Variants in ADGRG5 observed in about 807,000 individuals in gnomAD.
The protein encoded by ADGRG5 is G protein-coupled receptor 114.
A neutral mutation model predicts 53.2 loss-of-function variants in ADGRG5; 37 were observed. The observed-to-expected ratio is 0.70, with a 90% CI of 0.53 to 0.91. The LOEUF is 0.91. Among genes scored for constraint, ADGRG5 ranks in the 40% least tolerant of loss-of-function variants. The probability of loss-of-function intolerance (pLI) is 0.00; values close to 1 mark genes in which losing one functional copy is unlikely to be tolerated. For synonymous variants in ADGRG5, 277 were observed against 290.4 expected (o/e 0.95, Z 0.47); for missense variants, 614 against 675.8 (o/e 0.91, Z 1.01).
At chr16:57,531,508 T>TC in the ADGRG5 span, among the ~76,000 whole-genome samples, 1 of 152,072 alleles carries the variant, frequency 6.6e-6, no homozygotes, top group Admixed American at 6.6e-5. Context: ...TCATGCACTT[T>TC]CACCTCCTTC....
At chr16:57,569,361 C>A (rs1237686403) in intron 9 of ADGRG5, among the ~76,000 whole-genome samples, 4 of 147,576 alleles carry the variant, frequency 2.7e-5, no homozygotes, top group Admixed American at 6.7e-5. Context: ...TCACCTCCAT[C>A]ACCACCTCCT....
intron 5 of ADGRG5, among the ~76,000 whole-genome samples, chr16:57,564,641 G>C (rs1482406789): frequency 6.6e-6 from 1 of 152,180 alleles, no homozygotes; most frequent in East Asian, 1.9e-4. Context: ...GTTGATTATA[G>C]CCATAGAGAT....
intron 1 of ADGRG5, among the ~76,000 whole-genome samples, chr16:57,555,999 G>A (rs1596781455): frequency 6.6e-6 from 1 of 152,004 alleles, no homozygotes; most frequent in South Asian, 2.1e-4. Context: ...AGACATGCTT[G>A]CTTCCCCTTC....
rs779092158 is a variant in ADGRG5, at chr16:57,568,169, C to T, written c.1090+45C>T. The T allele has an allele frequency of 3.1e-6, 5 of 1,598,744 alleles. No homozygotes were observed. In the Admixed American group the frequency reaches 6.7e-5, roughly 21 times the overall value. ...TCGCCTCCTCAGACTTCCAGGTGGG[C>T]AGGGTATTGATCCCCTTTAGTCCTT... On this transcript the variant is annotated intron_variant, in intron 9 of 11. Transcript: ENST00000349457.
chr16:57,548,308 T>C (rs1273533331), intron 1 of ADGRG5, among the ~76,000 whole-genome samples: 1 of 152,188 alleles, frequency 6.6e-6, no homozygotes, highest in Non-Finnish European at 1.5e-5. Context: ...CAGAACGTTT[T>C]GTATACCCTT....
intron 4 of ADGRG5, among the ~76,000 whole-genome samples, chr16:57,563,575 C>T (rs1450244404): frequency 6.6e-6 from 1 of 152,200 alleles, no homozygotes; most frequent in East Asian, 1.9e-4. Flanking sequence ...AGCTGGATCC[C>T]TGGCAGGGGC....
At chr16:57,554,525 T>C (rs539106792) in intron 1 of ADGRG5, among the ~76,000 whole-genome samples, 9 of 152,086 alleles carry the variant, frequency 5.9e-5, no homozygotes, top group East Asian at 3.9e-4. Flanking sequence ...TACAGGCACC[T>C]GCCACCATGC....
At chr16:57,546,357 C>G (rs2032620279) in intron 1 of ADGRG5, among the ~76,000 whole-genome samples, 1 of 152,172 alleles carries the variant, frequency 6.6e-6, no homozygotes, top group South Asian at 2.1e-4. Flanking sequence ...AATTCCTGAG[C>G]TCAAATGATC....
At chr16:57,575,167 G>A in intron 11 of ADGRG5, 75 bp downstream of exon 11, 1 of 1,505,710 alleles carries the variant, frequency 6.6e-7, no homozygotes, top group Non-Finnish European at 9.0e-7. Flanking sequence ...ACTGCTAAAG[G>A]GGTTCAGGTG....
chr16:57,554,671 C>T (rs749745663), intron 1 of ADGRG5, among the ~76,000 whole-genome samples: 47 of 152,092 alleles, frequency 3.1e-4, no homozygotes, highest in Non-Finnish European at 5.1e-4. Flanking sequence ...CCACCACGCT[C>T]GGCCATAATT....
At chr16:57,559,895 A>G (rs1481493075) in intron 1 of ADGRG5, among the ~76,000 whole-genome samples, 3 of 152,318 alleles carry the variant, frequency 2.0e-5, no homozygotes, top group Middle Eastern at 3.4e-3. Context: ...CAATGTTTCT[A>G]TTATGACTAT....
Position 57,575,442 on chromosome 16 carries a change from C to A in ADGRG5, c.1491C>A (p.Phe497Leu). 1 of 1,614,088 alleles carries A rather than the reference C, an allele frequency of 6.2e-7. No individual in the cohort carries two copies. Among genetic ancestry groups the A allele is most frequent in the South Asian group, 1.1e-5 (1 of 91,084 alleles). ...LFTILNSLYGFFLFLWFCSQR... is the reference protein window; with the variant it reads ...LFTILNSLYGLFLFLWFCSQR... ...ACTCCCGCCTTTCTCTTGCAGGTTT[C>A]TTCCTTTTCCTGTGGTTCTGCTCCC... Residue 497 changes from phenylalanine (F) to leucine (L), a missense_variant, in exon 12 of 12, where the codon TTC becomes TTA. Transcript: ENST00000349457.
upstream of ADGRG5, among the ~76,000 whole-genome samples, chr16:57,537,712 A>C (rs2032424536): frequency 6.6e-6 from 1 of 152,154 alleles, no homozygotes; most frequent in African/African-American, 2.4e-5. Context: ...CTCTGTGGGC[A>C]GCGGCTGTTC....
At chr16:57,553,642 A>G (rs1450644776) in intron 1 of ADGRG5, among the ~76,000 whole-genome samples, 1 of 152,210 alleles carries the variant, frequency 6.6e-6, no homozygotes, top group Non-Finnish European at 1.5e-5. Flanking sequence ...CTTCTTTATC[A>G]AAATTGTTTT....
chr16:57,548,565 C>T (rs998586221), intron 1 of ADGRG5, among the ~76,000 whole-genome samples: 7 of 152,112 alleles, frequency 4.6e-5, no homozygotes, highest in African/African-American at 1.4e-4. Flanking sequence ...ACTGTTCCAT[C>T]GCCACAAGGA....
At chr16:57,568,805 T>TCACCTCCATCACCACCTCCTC (rs1381811356) in intron 9 of ADGRG5, among the ~76,000 whole-genome samples, 2,586 of 110,440 alleles carry the variant, frequency 0.023, 113 homozygotes, top group African/African-American at 0.085. Flanking sequence ...TCCACCTCCA[T>TCACCTCCATCACCACCTCCTC]CACCTCCATC....
intron 10 of ADGRG5, among the ~76,000 whole-genome samples, chr16:57,572,331 TG>T (rs1413132806): frequency 1.3e-5 from 2 of 151,868 alleles, no homozygotes; most frequent in African/African-American, 4.8e-5. Context: ...AAAAATTAGC[TG>T]GGCGTGGTGG....
chr16:57,549,847 A>G (rs769830408), intron 1 of ADGRG5, among the ~76,000 whole-genome samples: 3 of 152,214 alleles, frequency 2.0e-5, no homozygotes, highest in Non-Finnish European at 4.4e-5. Context: ...CTATATCCTC[A>G]TAATACTTTG....
At chr16:57,557,423 G>C (rs1207713414) in intron 1 of ADGRG5, among the ~76,000 whole-genome samples, 1 of 152,146 alleles carries the variant, frequency 6.6e-6, no homozygotes, top group Non-Finnish European at 1.5e-5. Flanking sequence ...TGACTAGGAT[G>C]TATCTAGATG....
Sources: allele counts gnomAD v4.1 joint callset (sites outside exome capture counted in the v4.1 genomes callset), GRCh38; gene constraint gnomAD v4.1.1; transcripts MANE v1.5; gene names NCBI Gene and HGNC (gene_info 2026-07-23, HGNC 2026-07-21).